Variants in BANK1 observed in about 807,000 individuals in gnomAD.
BANK1 encodes B cell scaffold protein with ankyrin repeats 1, also known as B-cell scaffold protein with ankyrin repeats.
Under a neutral mutation model 94.5 loss-of-function variants are expected in BANK1, and 95 were observed. The observed-to-expected ratio is 1.00, with a 90% CI of 0.85 to 1.19. The LOEUF is 1.19. BANK1 is among the 50% of genes most tolerant of loss of function. The pLI is 0.00. For missense variants in BANK1, 987 were observed against 932.2 expected (o/e 1.06, Z -0.77); for synonymous variants, 334 against 308.4 (o/e 1.08, Z -0.87).
At chr4:101,924,672 C>A (rs891609070) in intron 7 of BANK1, among the ~76,000 whole-genome samples, 6 of 151,742 alleles carry the variant, frequency 4.0e-5, no homozygotes, top group African/African-American at 1.4e-4. Context: ...TCTTACAACT[C>A]AGACACATAA....
intron 1 of BANK1, among the ~76,000 whole-genome samples, 192 bp from the exon 2 acceptor site, chr4:101,829,616 A>G (rs1440472132): frequency 2.6e-5 from 4 of 151,850 alleles, no homozygotes. Context: ...TTAAAATTTA[A>G]ATCAACTTGT....
chr4:102,034,848 C>T (rs1392985322), intron 10 of BANK1, among the ~76,000 whole-genome samples: 1 of 152,176 alleles, frequency 6.6e-6, no homozygotes, highest in Non-Finnish European at 1.5e-5. Context: ...ATCTGGATCT[C>T]ATGCCTGAGT....
intron 9 of BANK1, among the ~76,000 whole-genome samples, chr4:102,029,276 C>T (rs181363118): frequency 5.3e-5 from 8 of 152,016 alleles, no homozygotes; most frequent in East Asian, 1.9e-4. Context: ...AGTCAAAGAC[C>T]GACTGCTATG....
chr4:101,989,917 T>G (rs1387280136), intron 7 of BANK1, among the ~76,000 whole-genome samples: 1 of 152,180 alleles, frequency 6.6e-6, no homozygotes, highest in East Asian at 1.9e-4. Context: ...TTGTTCTTAT[T>G]CAACCAAAGA....
Position 101,790,887 on chromosome 4 carries a change from C to T in BANK1, c.7C>T (p.Pro3Ser). Reference protein sequence around the residue: MLPAAPGKGLGSP... With the variant: MLSAAPGKGLGSP... Reference sequence around the variant, plus strand: ...CTCGGCTTCAACCGCCACAATGCTGCCAGCAGCGCCAGGCAAGGGGCTTGG... The same window carrying T: ...CTCGGCTTCAACCGCCACAATGCTGTCAGCAGCGCCAGGCAAGGGGCTTGG... Residue 3 changes from proline (P) to serine (S), a missense_variant, in exon 1 of 17, where the codon CCA becomes TCA. Pro to Ser is a moderately conservative substitution (Grantham distance 74). Coordinates refer to ENST00000322953, the MANE Select transcript of BANK1 (RefSeq NM_017935.5). 1 of 1,538,820 alleles carries T rather than the reference C, an allele frequency of 6.5e-7. No homozygotes were observed. Among genetic ancestry groups the T allele is most frequent in the Non-Finnish European group, 8.7e-7 (1 of 1,146,766 alleles).
intron 1 of BANK1, among the ~76,000 whole-genome samples, chr4:101,816,413 G>A (rs1725920429): frequency 6.6e-6 from 1 of 152,124 alleles, no homozygotes; most frequent in African/African-American, 2.4e-5. Context: ...CTAAATCAAA[G>A]TGGTCTCTCA....
At chr4:101,947,539 A>T (rs963630875) in intron 7 of BANK1, among the ~76,000 whole-genome samples, 1 of 151,400 alleles carries the variant, frequency 6.6e-6, no homozygotes, top group Admixed American at 6.6e-5. Context: ...AATTTACTAG[A>T]TCTCCAGATG....
chr4:101,803,950 A>G (rs1303403484), intron 1 of BANK1, among the ~76,000 whole-genome samples: 4 of 137,160 alleles, frequency 2.9e-5, no homozygotes, highest in Non-Finnish European at 1.6e-5. Flanking sequence ...GTGAGCCGAG[A>G]TCCCGCCACT....
At chr4:101,841,880 G>GT (rs1426539024) in intron 2 of BANK1, among the ~76,000 whole-genome samples, 1 of 148,764 alleles carries the variant, frequency 6.7e-6, no homozygotes, top group South Asian at 2.1e-4. Context: ...GCGGTGTTTG[G>GT]TTTTTTGGTA....
intron 3 of BANK1, among the ~76,000 whole-genome samples, chr4:101,862,115 C>T (rs1335132129): frequency 6.6e-6 from 1 of 151,834 alleles, no homozygotes; most frequent in Non-Finnish European, 1.5e-5. Context: ...ATAAAGGAAC[C>T]AAGTTATATA....
intron 2 of BANK1, among the ~76,000 whole-genome samples, chr4:101,852,652 G>A (rs954278717): frequency 4.0e-5 from 6 of 150,840 alleles, no homozygotes; most frequent in South Asian, 2.1e-4. Flanking sequence ...CAGTTATATC[G>A]TAAACTTCTT....
At chr4:102,043,004 A>T (rs140238745) in intron 10 of BANK1, among the ~76,000 whole-genome samples, 6 of 152,044 alleles carry the variant, frequency 3.9e-5, no homozygotes, top group African/African-American at 1.4e-4. Context: ...GTTACTTCCA[A>T]CTCCCTCATC....
intron 7 of BANK1, among the ~76,000 whole-genome samples, chr4:101,981,287 G>A (rs937781277): frequency 6.6e-6 from 1 of 152,064 alleles, no homozygotes; most frequent in African/African-American, 2.4e-5. Context: ...AAGAATGCAT[G>A]TTGAATTTGG....
At chr4:102,014,336 GC>G (rs1366932238) in intron 7 of BANK1, among the ~76,000 whole-genome samples, 3 of 151,980 alleles carry the variant, frequency 2.0e-5, no homozygotes, top group Non-Finnish European at 4.4e-5. Context: ...GCTCAACTTT[GC>G]TTTTGCTTGC....
At chr4:101,892,985 A>G (rs1397989023) in intron 5 of BANK1, among the ~76,000 whole-genome samples, 1 of 151,998 alleles carries the variant, frequency 6.6e-6, no homozygotes, top group Admixed American at 6.6e-5. Context: ...TTTGTGTTAT[A>G]TACCACTTAT....
chr4:101,970,934 C>T (rs1205046286), intron 7 of BANK1, among the ~76,000 whole-genome samples: 1 of 152,070 alleles, frequency 6.6e-6, no homozygotes, highest in Non-Finnish European at 1.5e-5. Context: ...CCCCAAGTAA[C>T]TGGCCCGTTG....
chr4:101,878,610 T>C (rs148572889), intron 5 of BANK1, among the ~76,000 whole-genome samples: 1 of 152,240 alleles, frequency 6.6e-6, no homozygotes, highest in East Asian at 1.9e-4. Context: ...ATGGACTTAA[T>C]AAATATTTAC....
chr4:101,960,019 G>A (rs1724514332), intron 7 of BANK1, among the ~76,000 whole-genome samples: 1 of 152,146 alleles, frequency 6.6e-6, no homozygotes, highest in Non-Finnish European at 1.5e-5. Flanking sequence ...TGAGAAATGG[G>A]TGGGTGCACT....
At chr4:101,945,030 T>C (rs1237250428) in intron 7 of BANK1, among the ~76,000 whole-genome samples, 1 of 151,988 alleles carries the variant, frequency 6.6e-6, no homozygotes. Flanking sequence ...TGGGGCAAAC[T>C]TGTAGATGGA....
Sources: allele counts gnomAD v4.1 joint callset (sites outside exome capture counted in the v4.1 genomes callset), GRCh38; gene constraint gnomAD v4.1.1; transcripts MANE v1.5; gene names NCBI Gene and HGNC (gene_info 2026-07-23, HGNC 2026-07-21).